ACTR3C: variants seen among roughly 807,000 people sequenced by gnomAD.
ACTR3C encodes the protein actin-related protein 3C.
A neutral mutation model predicts 26.3 loss-of-function variants in ACTR3C; 18 were observed. The ratio of observed to expected loss-of-function variants is 0.68; its 90% CI spans 0.47 to 1.01. The LOEUF is 1.01. Ranked by LOEUF, ACTR3C falls within the 50% of genes least tolerant of loss-of-function variation. The pLI is 0.00. For synonymous variants in ACTR3C, 55 were observed against 94.5 expected (o/e 0.58, Z 2.42); for missense variants, 184 against 250.7 (o/e 0.73, Z 1.80).
chr7:150,142,679 C>T, the ACTR3C span, among the ~76,000 whole-genome samples: 451 of 151,666 alleles, frequency 3.0e-3, 1 homozygote, highest in African/African-American at 0.01. Flanking sequence ...CAGACGCCCA[C>T]CACCACACCC....
At chr7:150,316,610 TGA>T (rs1166423789) in intron 1 of ACTR3C, among the ~76,000 whole-genome samples, 1 of 151,144 alleles carries the variant, frequency 6.6e-6, no homozygotes, top group African/African-American at 2.4e-5. Flanking sequence ...CTCAGCCTCC[TGA>T]GCAGCTGGGA....
chr7:150,264,057 G>T (rs1421488262), intron 6 of ACTR3C, among the ~76,000 whole-genome samples: 1 of 152,176 alleles, frequency 6.6e-6, no homozygotes, highest in Non-Finnish European at 1.5e-5. Flanking sequence ...CCTGAGCGCC[G>T]GGAGAGCTGC....
At chr7:150,195,124 T>A in the ACTR3C span, among the ~76,000 whole-genome samples, 1 of 92,316 alleles carries the variant, frequency 1.1e-5, no homozygotes, top group Admixed American at 1.1e-4. Context: ...TATATATATG[T>A]ATATATATAT....
the ACTR3C span, among the ~76,000 whole-genome samples, chr7:149,919,094 C>T: frequency 3.9e-5 from 6 of 151,958 alleles, no homozygotes; most frequent in Non-Finnish European, 5.9e-5. Context: ...CTGGCAGGGT[C>T]GGAGTACAAT....
chr7:150,080,270 G>A, the ACTR3C span, among the ~76,000 whole-genome samples: 7 of 150,846 alleles, frequency 4.6e-5, no homozygotes, highest in South Asian at 1.3e-3. Flanking sequence ...TTCTCCAACC[G>A]TTTATTCTTC....
chr7:150,206,554 T>C, the ACTR3C span, among the ~76,000 whole-genome samples: 1 of 152,118 alleles, frequency 6.6e-6, no homozygotes, highest in Admixed American at 6.5e-5. Flanking sequence ...GCTAGGATTA[T>C]AGGCATGCAC....
chr7:150,227,688 G>GTGTTTTTTTTTTTTTTT, the ACTR3C span, among the ~76,000 whole-genome samples: 10 of 111,384 alleles, frequency 9.0e-5, no homozygotes, highest in South Asian at 2.8e-4. Context: ...TTGTGTCTGG[G>GTGTTTTTTTTTTTTTTT]TTTTTTTTTT....
chr7:150,163,153 C>CAAA, the ACTR3C span, among the ~76,000 whole-genome samples: 1 of 131,462 alleles, frequency 7.6e-6, no homozygotes, highest in Non-Finnish European at 1.6e-5. Flanking sequence ...GACTCAGTCT[C>CAAA]AAAAAAAAGA....
At chr7:150,215,017 C>A in the ACTR3C span, among the ~76,000 whole-genome samples, 26 of 139,022 alleles carry the variant, frequency 1.9e-4, 1 homozygote, top group African/African-American at 8.3e-4. Context: ...TTCAAACACA[C>A]AAAAAAAATG....
At chr7:150,175,548 T>C in the ACTR3C span, among the ~76,000 whole-genome samples, 7 of 149,996 alleles carry the variant, frequency 4.7e-5, no homozygotes, top group Non-Finnish European at 1.0e-4. Flanking sequence ...ACAAAGTGGC[T>C]CATGCCTGTA....
the ACTR3C span, among the ~76,000 whole-genome samples, chr7:150,037,346 G>A: frequency 8.3e-5 from 5 of 59,928 alleles, 1 homozygote; most frequent in East Asian, 2.2e-3. Flanking sequence ...GGGGAAGAGG[G>A]TCTGGCTCTC....
the ACTR3C span, among the ~76,000 whole-genome samples, chr7:150,183,651 C>A: frequency 7.7e-6 from 1 of 129,390 alleles, no homozygotes; most frequent in Non-Finnish European, 1.5e-5. Context: ...ATCTTTACAT[C>A]TAATATAGAT....
chr7:149,983,499 A>G, the ACTR3C span, among the ~76,000 whole-genome samples: 1 of 142,644 alleles, frequency 7.0e-6, no homozygotes, highest in Non-Finnish European at 1.5e-5. Flanking sequence ...ATGTGTAGAA[A>G]TCAGAATCCT....
chr7:149,958,099 T>C, the ACTR3C span, among the ~76,000 whole-genome samples: 4 of 152,128 alleles, frequency 2.6e-5, no homozygotes, highest in South Asian at 2.1e-4. Context: ...TTGATGGTTG[T>C]CTTGTCCAAT....
At chr7:150,230,611 C>A in the ACTR3C span, among the ~76,000 whole-genome samples, 1 of 152,110 alleles carries the variant, frequency 6.6e-6, no homozygotes, top group Non-Finnish European at 1.5e-5. Flanking sequence ...CTTATAAGAA[C>A]CTAACCAATG....
At chr7:150,037,058 C>G in the ACTR3C span, among the ~76,000 whole-genome samples, 5 of 106,160 alleles carry the variant, frequency 4.7e-5, no homozygotes, top group Admixed American at 8.5e-5. Flanking sequence ...TCAGTCCCCA[C>G]CCTCGCGGGG....
At chr7:150,238,423 G>A in the ACTR3C span, among the ~76,000 whole-genome samples, 1 of 127,750 alleles carries the variant, frequency 7.8e-6, no homozygotes, top group African/African-American at 3.5e-5. Context: ...AATCCCAGGA[G>A]TACAAGAGCT....
At chr7:150,101,210 A>G in the ACTR3C span, among the ~76,000 whole-genome samples, 3 of 151,606 alleles carry the variant, frequency 2.0e-5, no homozygotes, top group Non-Finnish European at 4.4e-5. Context: ...AAAAGGAAAA[A>G]GTTACTCAGT....
chr7:149,943,902 C>T, the ACTR3C span, among the ~76,000 whole-genome samples: 1 of 143,254 alleles, frequency 7.0e-6, no homozygotes, highest in Non-Finnish European at 1.5e-5. Context: ...GCCACTTCAT[C>T]AGGTTTTATG....
Sources: allele counts gnomAD v4.1 joint callset (sites outside exome capture counted in the v4.1 genomes callset), GRCh38; gene constraint gnomAD v4.1.1; transcripts MANE v1.5; gene names NCBI Gene and HGNC (gene_info 2026-07-23, HGNC 2026-07-21).